The following EPHA3 variants were observed in gnomAD, a reference collection of about 807,000 sequenced individuals.
The protein encoded by EPHA3 is EPH receptor A3.
EPHA3 carries 42 observed loss-of-function variants against 107.1 expected under a neutral mutation model. The ratio of observed to expected loss-of-function variants is 0.39; its 90% CI spans 0.31 to 0.51. The LOEUF (loss-of-function observed/expected upper bound fraction) is 0.51, where lower values mean the gene tolerates loss of function less well. EPHA3 is among the 20% of genes least tolerant of loss of function. The pLI is 0.78. For synonymous variants in EPHA3, 461 were observed against 424.8 expected (o/e 1.09, Z -1.05); for missense variants, 1,183 against 1,211.2 (o/e 0.98, Z 0.35).
At chr3:89,457,322 A>G (rs754201376) in intron 15 of EPHA3, among the ~76,000 whole-genome samples, 2 of 152,204 alleles carry the variant, frequency 1.3e-5, no homozygotes, top group African/African-American at 2.4e-5. Flanking sequence ...CTTCCAGGCC[A>G]TGGCCTGTTA....
intron 11 of EPHA3, among the ~76,000 whole-genome samples, chr3:89,419,889 G>T (rs1709324167): frequency 6.6e-6 from 1 of 151,228 alleles, no homozygotes; most frequent in Admixed American, 6.6e-5. Context: ...AATCACAATA[G>T]ACCCAAGGCC....
At chr3:89,342,237 C>T (rs1707546873) in intron 5 of EPHA3, 147 bp downstream of exon 5, 3 of 627,194 alleles carry the variant, frequency 4.8e-6, no homozygotes, top group Admixed American at 3.2e-5. Flanking sequence ...AGTTATGGCA[C>T]ATTAAATAAT....
rs542059429 is a variant in EPHA3, at chr3:89,243,261, T to C, written c.814+32741T>C. ...GCAGCATGATATATAATCCTCTGGG[T>C]ATATACGCAGTAATGGGATTGCTGG... On this transcript the variant is annotated intron_variant, in intron 3 of 16. Coordinates refer to ENST00000336596, the MANE Select transcript of EPHA3 (RefSeq NM_005233.6). Among the ~76,000 whole-genome samples, 32 of 152,286 alleles carry C rather than the reference T, an allele frequency of 2.1e-4. 2 individuals are homozygous for C. The East Asian group carries it at 5.0e-3, about 24-fold the overall frequency.
At chr3:89,211,518 C>A (rs1471240704) in intron 3 of EPHA3, among the ~76,000 whole-genome samples, 1 of 151,978 alleles carries the variant, frequency 6.6e-6, no homozygotes, top group Non-Finnish European at 1.5e-5. Flanking sequence ...TACTCCTGAT[C>A]GCATAATCAG....
intron 2 of EPHA3, among the ~76,000 whole-genome samples, chr3:89,163,391 G>A: frequency 6.6e-6 from 1 of 152,006 alleles, no homozygotes; most frequent in Non-Finnish European, 1.5e-5. Flanking sequence ...GGGGGAGAAG[G>A]GAACAATAAG....
chr3:89,147,160 G>A (rs983847454), intron 2 of EPHA3, among the ~76,000 whole-genome samples: 3 of 151,660 alleles, frequency 2.0e-5, no homozygotes, highest in African/African-American at 7.3e-5. Context: ...ACAGGAAGGG[G>A]AACATCACAT....
intron 11 of EPHA3, among the ~76,000 whole-genome samples, chr3:89,426,830 G>A (rs1245695792): frequency 1.3e-5 from 2 of 151,830 alleles, no homozygotes; most frequent in East Asian, 3.9e-4. Flanking sequence ...AGGAAAGACA[G>A]AAACTGATGG....
chr3:89,210,015 A>T lies in EPHA3; in HGVS notation c.309A>T (p.Leu103=). 6.2e-7 allele frequency: 1 copy of T among 1,614,020 alleles called. No individual in the cohort carries two copies. The highest frequency in any genetic ancestry group is 8.5e-7 in the Non-Finnish European group (1 of 1,179,938). Reference sequence around the variant, plus strand: ...TTTATGTGGAGCTCAAGTTCACTCTACGAGACTGCAATAGCATTCCATTGG... The same window carrying T: ...TTTATGTGGAGCTCAAGTTCACTCTTCGAGACTGCAATAGCATTCCATTGG... ...QKIYVELKFT[L]RDCNSIPLVL... The change falls in exon 3 of 17, where the codon CTA becomes CTT. Residue 103 remains leucine (L), a synonymous_variant. Transcript: ENST00000336596.
intron 2 of EPHA3, among the ~76,000 whole-genome samples, chr3:89,196,629 C>T (rs573811957): frequency 7.4e-5 from 11 of 148,202 alleles, no homozygotes; most frequent in African/African-American, 1.3e-4. Flanking sequence ...TTCACCTGCT[C>T]GGAATGTGCT....
intron 2 of EPHA3, among the ~76,000 whole-genome samples, chr3:89,180,985 A>G (rs1705431440): frequency 6.6e-6 from 1 of 151,952 alleles, no homozygotes; most frequent in Non-Finnish European, 1.5e-5. Flanking sequence ...AACCCCTTTA[A>G]ATGGGATATT....
rs1244649198 is a variant in EPHA3 at position 89,450,215 on chromosome 3, C to T, written c.2535C>T (p.Pro845=). The T allele has an allele frequency of 4.3e-6, 7 of 1,610,966 alleles. No individual in the cohort carries two copies. Among genetic ancestry groups the T allele is most frequent in the Non-Finnish European group, 4.2e-6 (5 of 1,178,532 alleles). Residue 845 remains proline (P), a synonymous_variant, in exon 15 of 17, where the codon CCC becomes CCT. Coordinates refer to ENST00000336596, the MANE Select transcript of EPHA3 (RefSeq NM_005233.6). Reference sequence around the variant, plus strand: ...TAGATGAGGGCTATCGACTGCCACCCCCCATGGACTGCCCAGCTGCCTTGT... The same window carrying T: ...TAGATGAGGGCTATCGACTGCCACCTCCCATGGACTGCCCAGCTGCCTTGT... The part of the protein sequence containing the change: ...KAVDEGYRLP[P]PMDCPAALYQ...
intron 11 of EPHA3, among the ~76,000 whole-genome samples, chr3:89,425,219 T>TA (rs1348157035): frequency 6.6e-5 from 10 of 150,794 alleles, no homozygotes; most frequent in African/African-American, 2.2e-4. Flanking sequence ...CAAAAAAAAA[T>TA]ACCCTAACTC....
At chr3:89,188,744 T>G (rs1705635146) in intron 2 of EPHA3, among the ~76,000 whole-genome samples, 1 of 152,230 alleles carries the variant, frequency 6.6e-6, no homozygotes, top group Non-Finnish European at 1.5e-5. Flanking sequence ...TTTCCCATCT[T>G]AATAAATGAT....
At chr3:89,237,184 AC>A (rs1353294787) in intron 3 of EPHA3, among the ~76,000 whole-genome samples, 1 of 152,228 alleles carries the variant, frequency 6.6e-6, no homozygotes, top group Non-Finnish European at 1.5e-5. Flanking sequence ...CAACAGGCCA[AC>A]AGGGCAAAAC....
chr3:89,167,279 A>G (rs1159340344), intron 2 of EPHA3, among the ~76,000 whole-genome samples: 1 of 152,098 alleles, frequency 6.6e-6, no homozygotes, highest in African/African-American at 2.4e-5. Flanking sequence ...CTCTGTTTAC[A>G]TTTTTTCAAA....
chr3:89,438,892 T>C (rs1249381209), intron 13 of EPHA3, among the ~76,000 whole-genome samples: 1 of 152,242 alleles, frequency 6.6e-6, no homozygotes, highest in Non-Finnish European at 1.5e-5. Context: ...AGTCTAGTAC[T>C]TTCTACCCAT....
intron 3 of EPHA3, among the ~76,000 whole-genome samples, chr3:89,316,906 G>A (rs1410152691): frequency 2.0e-5 from 3 of 151,590 alleles, no homozygotes; most frequent in Middle Eastern, 3.4e-3. Flanking sequence ...CTCTTTGAGG[G>A]AGATATTTTT....
chr3:89,225,583 G>A (rs1024139059), intron 3 of EPHA3, among the ~76,000 whole-genome samples: 3 of 152,180 alleles, frequency 2.0e-5, no homozygotes, highest in African/African-American at 4.8e-5. Flanking sequence ...TACAGAAAAC[G>A]TCTTTGGTAA....
chr3:89,439,663 A>T (rs752733541), intron 13 of EPHA3, among the ~76,000 whole-genome samples: 1 of 152,172 alleles, frequency 6.6e-6, no homozygotes, highest in East Asian at 1.9e-4. Context: ...TATATAAAAA[A>T]TACAAAATTT....
Sources: gnomAD v4.1 joint callset for allele counts (sites outside exome capture counted in the v4.1 genomes callset) on GRCh38, gnomAD v4.1.1 for gene constraint, MANE v1.5 for transcripts, NCBI Gene and HGNC (gene_info 2026-07-23, HGNC 2026-07-21) for gene names.